SLC24A2: variants seen among roughly 807,000 people sequenced by gnomAD.
The protein encoded by SLC24A2 is sodium/potassium/calcium exchanger 2.
In SLC24A2, 36 loss-of-function variants were observed where a neutral mutation model predicts 62.0. The observed-to-expected ratio is 0.58, with a 90% CI of 0.44 to 0.77. The LOEUF is 0.77. SLC24A2 is among the 30% of genes least tolerant of loss of function. The probability of loss-of-function intolerance (pLI) is 0.00; values close to 1 mark genes in which losing one functional copy is unlikely to be tolerated. For synonymous variants in SLC24A2, 358 were observed against 294.0 expected, an observed-to-expected ratio of 1.22 and a Z score of -2.23; for missense variants, 846 against 817.9, an observed-to-expected ratio of 1.03 and a Z score of -0.42.
chr9:19,632,098 G>A lies in SLC24A2; in HGVS notation c.931-9799C>T, dbSNP rs1401152543. Among the ~76,000 whole-genome samples, 1 of 152,182 alleles carries A rather than the reference G, an allele frequency of 6.6e-6. No individual in the cohort carries two copies. The highest frequency in any genetic ancestry group is 2.4e-5 in the African/African-American group (1 of 41,438). On this transcript the variant is annotated intron_variant, in intron 2 of 10. Coordinates refer to ENST00000341998, the MANE Select transcript of SLC24A2 (RefSeq NM_020344.4). This position sits in a 1 kb window ranked among gnomAD's most constrained non-coding sequence, Gnocchi z 4.5. The stretch of plus-strand genomic sequence containing the variant: ...ACTAGGAGTCCCATTAGTGGGGCTT[G>A]ACATGAGGACAGTTACCTTCTCAAT...
chr9:19,893,711 T>C, the SLC24A2 span, among the ~76,000 whole-genome samples: 2 of 152,176 alleles, frequency 1.3e-5, no homozygotes, highest in African/African-American at 4.8e-5. Flanking sequence ...TTGTTGGTAT[T>C]AGTTAGAATT....
the SLC24A2 span, among the ~76,000 whole-genome samples, chr9:19,950,849 T>C: frequency 6.6e-6 from 1 of 152,016 alleles, no homozygotes; most frequent in Non-Finnish European, 1.5e-5. Flanking sequence ...GAAAAATAGA[T>C]TGAAACATCC....
chr9:19,517,606 A>G (rs1832992705), intron 10 of SLC24A2, among the ~76,000 whole-genome samples: 1 of 152,128 alleles, frequency 6.6e-6, no homozygotes, highest in South Asian at 2.1e-4. Flanking sequence ...GAAGTGATTG[A>G]TGTGACTGCC....
chr9:19,534,651 T>C (rs1833870910), intron 8 of SLC24A2, among the ~76,000 whole-genome samples: 1 of 152,154 alleles, frequency 6.6e-6, no homozygotes. Context: ...CAATGATAGT[T>C]TCCAGCTTCA....
the SLC24A2 span, among the ~76,000 whole-genome samples, chr9:20,265,021 A>C: frequency 1.3e-5 from 2 of 152,342 alleles, no homozygotes; most frequent in East Asian, 3.9e-4. Context: ...GTCTATTAGC[A>C]TGGGTCTTTC....
At chr9:19,534,857 C>A (rs899061956) in intron 8 of SLC24A2, among the ~76,000 whole-genome samples, 1 of 152,110 alleles carries the variant, frequency 6.6e-6, no homozygotes. Context: ...GATTTATAAT[C>A]CTTTGGGTAT....
the SLC24A2 span, among the ~76,000 whole-genome samples, chr9:19,881,715 G>T: frequency 1.3e-5 from 2 of 152,058 alleles, no homozygotes; most frequent in Non-Finnish European, 2.9e-5. Flanking sequence ...TTTATTTTTT[G>T]CTGTAGACAG....
At chr9:19,826,711 G>A in the SLC24A2 span, among the ~76,000 whole-genome samples, 2 of 152,284 alleles carry the variant, frequency 1.3e-5, no homozygotes, top group African/African-American at 2.4e-5. Context: ...TCATCCATAA[G>A]GGTAGAGCCC....
intron 8 of SLC24A2, among the ~76,000 whole-genome samples, chr9:19,545,944 C>G (rs1563951531): frequency 6.6e-6 from 1 of 152,188 alleles, no homozygotes; most frequent in Non-Finnish European, 1.5e-5. Context: ...GCCTAGTTTT[C>G]CTTCTAACAG....
chr9:20,102,878 C>T, the SLC24A2 span, among the ~76,000 whole-genome samples: 1 of 151,828 alleles, frequency 6.6e-6, no homozygotes, highest in Non-Finnish European at 1.5e-5. Flanking sequence ...CGTGCGCCAG[C>T]AGAAGCAGAG....
rs536182903 is a variant in SLC24A2, at chr9:19,618,964, A to G, written c.1078+620T>C. Among the ~76,000 whole-genome samples the G allele has an allele frequency of 8.1e-4, 123 of 152,340 alleles. 2 individuals are homozygous for G. In the South Asian group the frequency reaches 0.023, roughly 28 times the overall value. ...GACTGAGTAACACTGGAAGTACACA[A>G]TAATGGGTTGTTTGTGATGGTTCAT... On this transcript the variant is annotated intron_variant, in intron 4 of 10. Coordinates refer to ENST00000341998, the MANE Select transcript of SLC24A2 (RefSeq NM_020344.4).
the SLC24A2 span, among the ~76,000 whole-genome samples, chr9:19,942,661 T>C: frequency 6.6e-6 from 1 of 152,166 alleles, no homozygotes; most frequent in South Asian, 2.1e-4. Flanking sequence ...CAAGAAGATA[T>C]TTATAATCAG....
the SLC24A2 span, among the ~76,000 whole-genome samples, chr9:20,228,341 A>G: frequency 6.6e-6 from 1 of 152,080 alleles, no homozygotes; most frequent in East Asian, 1.9e-4. Context: ...CTCTCACTCA[A>G]AAGTACAGAG....
At chr9:19,995,091 T>TC in the SLC24A2 span, among the ~76,000 whole-genome samples, 1 of 151,384 alleles carries the variant, frequency 6.6e-6, no homozygotes, top group Non-Finnish European at 1.5e-5. Flanking sequence ...TTTTTTTTTT[T>TC]CTCCATAGAA....
At chr9:19,720,441 G>T (rs1225204703) in intron 2 of SLC24A2, among the ~76,000 whole-genome samples, 2 of 152,122 alleles carry the variant, frequency 1.3e-5, no homozygotes, top group East Asian at 3.9e-4. Context: ...CAACAATGGC[G>T]TGGAGAAGAA....
chr9:20,043,456 A>C, the SLC24A2 span, among the ~76,000 whole-genome samples: 251 of 152,342 alleles, frequency 1.6e-3, 1 homozygote, highest in African/African-American at 5.7e-3. Context: ...ATCTGGACAA[A>C]GTATATTGAA....
At chr9:19,665,412 GGTAA>G (rs1205498062) in intron 2 of SLC24A2, among the ~76,000 whole-genome samples, 1 of 152,034 alleles carries the variant, frequency 6.6e-6, no homozygotes, top group East Asian at 1.9e-4. Context: ...TTCTGGCCTG[GGTAA>G]CTGGGTGGGT....
At position 19,767,987 on chromosome 9, in the gene SLC24A2, C is replaced by T. The variant is rs535010648; in HGVS notation, c.930+17950G>A. On this transcript the variant is annotated intron_variant, in intron 2 of 10. Coordinates refer to ENST00000341998, the MANE Select transcript of SLC24A2 (RefSeq NM_020344.4). ...GCAGCATGGGGCATCGCATGGTGAA[C>T]GGGCTAAGTGTGCTAGCTCAGGTCT... is the stretch of plus-strand genomic sequence containing the variant. 2.0e-3 allele frequency among the ~76,000 whole-genome samples: 312 copies of T among 152,214 alleles called. 1 individual carries two copies. Among genetic ancestry groups the T allele is most frequent in the Non-Finnish European group, 3.7e-3 (250 of 68,012 alleles).
At chr9:19,744,913 C>G (rs921381866) in intron 2 of SLC24A2, among the ~76,000 whole-genome samples, 1 of 152,160 alleles carries the variant, frequency 6.6e-6, no homozygotes, top group Non-Finnish European at 1.5e-5. Flanking sequence ...GTTTCCCACT[C>G]TTCTGAAAGT....
Sources: allele counts gnomAD v4.1 joint callset (sites outside exome capture counted in the v4.1 genomes callset), GRCh38; gene constraint gnomAD v4.1.1; non-coding constraint Gnocchi (gnomAD v3.1); transcripts MANE v1.5; gene names NCBI Gene and HGNC (gene_info 2026-07-23, HGNC 2026-07-21).